Variants in FSTL5 observed in about 807,000 individuals in gnomAD.
FSTL5 encodes follistatin-related protein 5.
Under a neutral mutation model 89.1 loss-of-function variants are expected in FSTL5, and 62 were observed. That is an observed-to-expected ratio of 0.70 (90% CI 0.57 to 0.86). The LOEUF (loss-of-function observed/expected upper bound fraction) is 0.86. FSTL5 is among the 40% of genes least tolerant of loss of function. The pLI is 0.00. For missense variants in FSTL5, 1,057 were observed against 1,001.6 expected (o/e 1.06, Z -0.75); for synonymous variants, 383 against 346.2 (o/e 1.11, Z -1.18).
intron 7 of FSTL5, among the ~76,000 whole-genome samples, chr4:161,617,955 G>A (rs1034850235): frequency 4.6e-5 from 7 of 152,142 alleles, no homozygotes; most frequent in African/African-American, 1.7e-4. Flanking sequence ...CTACCCATGA[G>A]CATGGAATGT....
chr4:161,482,029 T>C (rs1327002531), intron 12 of FSTL5, among the ~76,000 whole-genome samples: 1 of 152,104 alleles, frequency 6.6e-6, no homozygotes, highest in Non-Finnish European at 1.5e-5. Context: ...GTACATAAAA[T>C]GTATGTGCAG....
chr4:161,763,008 G>A (rs1740860757), intron 5 of FSTL5, among the ~76,000 whole-genome samples: 1 of 152,060 alleles, frequency 6.6e-6, no homozygotes, highest in African/African-American at 2.4e-5. Flanking sequence ...AACAAATCAG[G>A]AATGACTCAC....
At chr4:161,941,425 A>C (rs1021784298) in intron 3 of FSTL5, among the ~76,000 whole-genome samples, 3 of 151,866 alleles carry the variant, frequency 2.0e-5, no homozygotes, top group Non-Finnish European at 2.9e-5. Flanking sequence ...GAAGTAAAAA[A>C]TCAGCTGAAA....
intron 13 of FSTL5, among the ~76,000 whole-genome samples, chr4:161,476,179 T>TTTTG (rs1223871887): frequency 3.0e-5 from 3 of 101,364 alleles, no homozygotes; most frequent in East Asian, 4.5e-4. Flanking sequence ...GCTGGTTTTT[T>TTTTG]TTTTTTTTTG....
intron 4 of FSTL5, among the ~76,000 whole-genome samples, chr4:161,808,806 G>A (rs1018198093): frequency 2.0e-5 from 3 of 152,084 alleles, no homozygotes; most frequent in African/African-American, 7.2e-5. Context: ...AAACAAAAAC[G>A]AAATTAAATC....
At position 161,510,426 on chromosome 4, in the gene FSTL5, T is replaced by C. The variant is rs770454103; in HGVS notation, c.1313-2A>G. On this transcript the variant is annotated splice_acceptor_variant, in intron 10 of 15. Transcript: ENST00000306100. LOFTEE classifies it high-confidence loss of function. ...CTTCTCTCCATAATATGTTAGCTAC[T>C]GCAGCATGTTGAAAGAAAAAGAAGA... is the stretch of plus-strand genomic sequence containing the variant. 2.6e-6 allele frequency: 4 copies of C among 1,522,838 alleles called. No homozygotes were observed. The highest frequency in any genetic ancestry group is 3.5e-6 in the Non-Finnish European group (4 of 1,132,408). The allele number at this position is 1,522,838 out of a possible 1,614,324, so 94.3% of individuals were successfully genotyped here. A position where few individuals can be genotyped will look rare whatever the true frequency, so the allele number is the denominator to read the frequency against.
chr4:161,580,567 A>G (rs1733397271), intron 8 of FSTL5, among the ~76,000 whole-genome samples: 1 of 152,242 alleles, frequency 6.6e-6, no homozygotes, highest in East Asian at 1.9e-4. Flanking sequence ...ATGGAAAAAA[A>G]GGAATGGATT....
intron 3 of FSTL5, among the ~76,000 whole-genome samples, chr4:161,935,462 T>C (rs543998775): frequency 2.6e-5 from 4 of 152,162 alleles, no homozygotes; most frequent in Non-Finnish European, 5.9e-5. Context: ...ACTGTCCTCA[T>C]AGAACTAAGG....
At chr4:161,903,319 T>TA in intron 4 of FSTL5, among the ~76,000 whole-genome samples, 1 of 152,152 alleles carries the variant, frequency 6.6e-6, no homozygotes, top group East Asian at 1.9e-4. Flanking sequence ...CACCAAGAAA[T>TA]ACTTTAAAAA....
chr4:161,850,859 T>C (rs1206615136), intron 4 of FSTL5, among the ~76,000 whole-genome samples: 6 of 152,164 alleles, frequency 3.9e-5, no homozygotes, highest in Non-Finnish European at 8.8e-5. Flanking sequence ...TGAGATAATG[T>C]CTTTTGCAGG....
At chr4:161,934,714 C>T (rs1239516701) in intron 3 of FSTL5, among the ~76,000 whole-genome samples, 1 of 151,886 alleles carries the variant, frequency 6.6e-6, no homozygotes, top group African/African-American at 2.4e-5. Context: ...GTATGCAAAT[C>T]TCTTAAAATA....
At position 162,000,585 on chromosome 4, in the gene FSTL5, G is replaced by A. The variant is rs149559740; in HGVS notation, c.160+33040C>T. Among the ~76,000 whole-genome samples, 971 of 150,206 alleles carry A rather than the reference G, an allele frequency of 6.5e-3. 13 individuals are homozygous for A. The highest frequency in any genetic ancestry group is 0.023 in the African/African-American group (927 of 40,920). On this transcript the variant is annotated intron_variant, in intron 3 of 15. Transcript: ENST00000306100. ...GATACTCCAGCCTGGGTGACAGAGCGAGACTCAGTCTAAAAAAAAAAAAAA... is the reference window on the plus strand; with the variant it reads ...GATACTCCAGCCTGGGTGACAGAGCAAGACTCAGTCTAAAAAAAAAAAAAA...
chr4:161,411,028 T>C (rs1731570997), intron 15 of FSTL5, among the ~76,000 whole-genome samples: 1 of 121,898 alleles, frequency 8.2e-6, no homozygotes. Context: ...ACTGATCCTA[T>C]AGAAATACAA....
intron 4 of FSTL5, among the ~76,000 whole-genome samples, chr4:161,852,724 A>G (rs557758950): frequency 1.3e-5 from 2 of 152,350 alleles, no homozygotes; most frequent in African/African-American, 4.8e-5. Context: ...ATGGCCATCA[A>G]TGATAGACTA....
intron 6 of FSTL5, among the ~76,000 whole-genome samples, chr4:161,718,539 C>T (rs1739081038): frequency 6.6e-6 from 1 of 152,062 alleles, no homozygotes; most frequent in South Asian, 2.1e-4. Context: ...AGCAATTCTC[C>T]TGCCTCAGCC....
intron 12 of FSTL5, among the ~76,000 whole-genome samples, chr4:161,485,262 G>A (rs1729637714): frequency 6.6e-6 from 1 of 152,196 alleles, no homozygotes; most frequent in South Asian, 2.1e-4. Flanking sequence ...ATTTCTGCCT[G>A]TGGCAGCTCC....
At chr4:162,041,221 AAAAAG>A (rs1188726439) in intron 2 of FSTL5, among the ~76,000 whole-genome samples, 1 of 151,610 alleles carries the variant, frequency 6.6e-6, no homozygotes, top group Non-Finnish European at 1.5e-5. Flanking sequence ...AAAAAAAAAA[AAAAAG>A]GAGTTTATCT....
chr4:161,739,002 C>A (rs1036703946), intron 6 of FSTL5, among the ~76,000 whole-genome samples: 1 of 152,146 alleles, frequency 6.6e-6, no homozygotes, highest in Admixed American at 6.5e-5. Context: ...AAGGAAAACT[C>A]CAACAATTGT....
intron 4 of FSTL5, among the ~76,000 whole-genome samples, chr4:161,853,893 C>A (rs943824279): frequency 6.6e-6 from 1 of 152,016 alleles, no homozygotes; most frequent in Admixed American, 6.6e-5. Flanking sequence ...ACTTGCTATG[C>A]AAAATTAGAT....
Sources: allele counts gnomAD v4.1 joint callset (sites outside exome capture counted in the v4.1 genomes callset), GRCh38; gene constraint gnomAD v4.1.1; transcripts MANE v1.5; gene names NCBI Gene and HGNC (gene_info 2026-07-23, HGNC 2026-07-21).